PDGFC: variants seen among roughly 807,000 people sequenced by gnomAD.
PDGFC encodes platelet-derived growth factor C.
A neutral mutation model predicts 35.5 loss-of-function variants in PDGFC; 12 were observed. The observed-to-expected ratio is 0.34, with a 90% CI of 0.22 to 0.55. The LOEUF (loss-of-function observed/expected upper bound fraction) is 0.55. Ranked by LOEUF, PDGFC falls within the 20% of genes least tolerant of loss-of-function variation. The pLI is 0.91. For missense variants in PDGFC, 322 were observed against 412.4 expected (o/e 0.78, Z 1.90); for synonymous variants, 159 against 148.8 (o/e 1.07, Z -0.50).
chr4:156,927,821 T>A (rs1233783946), intron 1 of PDGFC, among the ~76,000 whole-genome samples: 1 of 152,184 alleles, frequency 6.6e-6, no homozygotes, highest in Non-Finnish European at 1.5e-5. Context: ...GCTTCCACAT[T>A]TTTGGGTATC....
At chr4:156,918,252 CTCAG>C (rs895984646) in intron 1 of PDGFC, among the ~76,000 whole-genome samples, 2 of 152,166 alleles carry the variant, frequency 1.3e-5, no homozygotes, top group African/African-American at 4.8e-5. Flanking sequence ...TAAATTCTCA[CTCAG>C]TATCATTTTC....
rs1000357892 is a variant in PDGFC, at chr4:156,845,138, A to G, written c.314+5083T>C. ...ATGAAAATTTAAAAATTGCTTCTAT[A>G]TAATCTATGCTTTAAAAGAAGAGAA... On this transcript the variant is annotated intron_variant, in intron 2 of 5. Transcript: ENST00000502773. Among the ~76,000 whole-genome samples, 3 of 151,882 alleles carry G rather than the reference A, an allele frequency of 2.0e-5. No homozygotes were observed. The East Asian group carries it at 5.8e-4, about 29-fold the overall frequency.
At chr4:156,945,370 T>C (rs574898201) in intron 1 of PDGFC, among the ~76,000 whole-genome samples, 13 of 121,138 alleles carry the variant, frequency 1.1e-4, no homozygotes, top group South Asian at 5.0e-4. Context: ...TATATATATA[T>C]ATATATATAT....
intron 1 of PDGFC, among the ~76,000 whole-genome samples, chr4:156,877,974 A>G (rs2111162364): frequency 6.6e-6 from 1 of 152,270 alleles, no homozygotes. Context: ...CATAGCACAT[A>G]TAATAAAGCA....
At chr4:156,836,752 G>A (rs192961020) in intron 2 of PDGFC, among the ~76,000 whole-genome samples, 1 of 152,122 alleles carries the variant, frequency 6.6e-6, no homozygotes, top group East Asian at 1.9e-4. Context: ...GAAGGACTTT[G>A]TTAAATGTTA....
chr4:156,872,257 A>T (rs976695117), intron 1 of PDGFC, among the ~76,000 whole-genome samples: 1 of 152,186 alleles, frequency 6.6e-6, no homozygotes, highest in African/African-American at 2.4e-5. Context: ...ATTTCAAACA[A>T]TATGGCAAAG....
At chr4:156,763,293 A>G (rs1046325259) in intron 5 of PDGFC, 87 bp from the exon 6 acceptor site, 3 of 672,078 alleles carry the variant, frequency 4.5e-6, no homozygotes, top group Non-Finnish European at 8.3e-6. Flanking sequence ...TTAGAAAAGA[A>G]TCTTGGGGCC....
chr4:156,948,258 C>T (rs1197145590), intron 1 of PDGFC, among the ~76,000 whole-genome samples: 2 of 151,128 alleles, frequency 1.3e-5, no homozygotes, highest in African/African-American at 4.9e-5. Context: ...CCATATGGTG[C>T]CAAATGTTGG....
chr4:156,964,116 A>G (rs1732406042), intron 1 of PDGFC, among the ~76,000 whole-genome samples: 1 of 151,872 alleles, frequency 6.6e-6, no homozygotes, highest in South Asian at 2.1e-4. Context: ...AAACATGCTT[A>G]TTTATTCATT....
intron 3 of PDGFC, among the ~76,000 whole-genome samples, chr4:156,776,383 A>G (rs1730829967): frequency 6.6e-6 from 1 of 152,212 alleles, no homozygotes; most frequent in African/African-American, 2.4e-5. Context: ...TTTAAGCTAT[A>G]GGTTGTGCTA....
chr4:156,882,329 C>T (rs1483355246), intron 1 of PDGFC, among the ~76,000 whole-genome samples: 1 of 152,046 alleles, frequency 6.6e-6, no homozygotes, highest in South Asian at 2.1e-4. Flanking sequence ...TTCTCCAAGA[C>T]TTAAAAATCT....
intron 3 of PDGFC, among the ~76,000 whole-genome samples, chr4:156,786,258 T>C (rs1731123601): frequency 6.6e-6 from 1 of 152,128 alleles, no homozygotes; most frequent in African/African-American, 2.4e-5. Context: ...ACATATTCTA[T>C]TGGAGAAAAA....
intron 1 of PDGFC, among the ~76,000 whole-genome samples, chr4:156,881,646 C>T (rs529280231): frequency 1.3e-3 from 202 of 152,090 alleles, no homozygotes; most frequent in Non-Finnish European, 2.1e-3. Context: ...GCCTGGCCAA[C>T]ATGGTGAAAC....
intron 3 of PDGFC, among the ~76,000 whole-genome samples, chr4:156,808,123 T>C: frequency 6.6e-6 from 1 of 151,966 alleles, no homozygotes; most frequent in East Asian, 1.9e-4. Flanking sequence ...GGTTTATGAA[T>C]TATCTCTGTT....
At chr4:156,864,298 T>C (rs996802466) in intron 1 of PDGFC, among the ~76,000 whole-genome samples, 1 of 152,116 alleles carries the variant, frequency 6.6e-6, no homozygotes, top group African/African-American at 2.4e-5. Flanking sequence ...AGCAACTGAT[T>C]ACCGTGTCAT....
intron 3 of PDGFC, among the ~76,000 whole-genome samples, chr4:156,777,326 G>A (rs796270080): frequency 9.2e-5 from 14 of 152,202 alleles, no homozygotes; most frequent in African/African-American, 3.1e-4. Context: ...GTTGTATTAT[G>A]GGCTGAATTA....
chr4:156,908,467 T>G (rs1189216752), intron 1 of PDGFC, among the ~76,000 whole-genome samples: 1 of 152,166 alleles, frequency 6.6e-6, no homozygotes, highest in Non-Finnish European at 1.5e-5. Flanking sequence ...TGATAATAGC[T>G]GCCAATTAGT....
At chr4:156,792,409 C>A (rs548402735) in intron 3 of PDGFC, among the ~76,000 whole-genome samples, 127 of 149,088 alleles carry the variant, frequency 8.5e-4, no homozygotes, top group African/African-American at 3.2e-3. Flanking sequence ...AAGTCACATT[C>A]CACAAAAAAT....
intron 1 of PDGFC, among the ~76,000 whole-genome samples, chr4:156,906,188 A>G (rs895954456): frequency 6.6e-6 from 1 of 152,182 alleles, no homozygotes; most frequent in Non-Finnish European, 1.5e-5. Flanking sequence ...AGTTCGGTGT[A>G]CCCAAACAAT....
Sources: gnomAD v4.1 joint callset for allele counts (sites outside exome capture counted in the v4.1 genomes callset) on GRCh38, gnomAD v4.1.1 for gene constraint, MANE v1.5 for transcripts, NCBI Gene and HGNC (gene_info 2026-07-23, HGNC 2026-07-21) for gene names.